Variants in PALD1 observed in about 807,000 individuals in gnomAD.
PALD1 encodes the protein paladin.
Under a neutral mutation model 96.0 loss-of-function variants are expected in PALD1, and 57 were observed. That is an observed-to-expected ratio of 0.59 (90% CI 0.48 to 0.74). The LOEUF (loss-of-function observed/expected upper bound fraction) is 0.74. PALD1 is among the 30% of genes least tolerant of loss of function. PALD1 has a pLI of 0.00. For missense variants in PALD1, 1,063 were observed against 1,143.7 expected, an observed-to-expected ratio of 0.93 and a Z score of 1.02; for synonymous variants, 464 against 473.6, an observed-to-expected ratio of 0.98 and a Z score of 0.26.
rs1318211660 is a variant in PALD1 at position 70,529,991 on chromosome 10, A to G, written c.391A>G (p.Thr131Ala). The G allele has an allele frequency of 1.2e-6, 2 of 1,608,416 alleles. No individual in the cohort carries two copies. The highest frequency in any genetic ancestry group is 2.7e-5 in the African/African-American group (2 of 74,610). ...CTTCCGGCAGGTGCAGGGTGGGCTC[A>G]CTGTGTTCGGCATGGGACAGCCCAG... Reference protein sequence around the residue: ...PNFRQVQGGLTVFGMGQPSLS... With the variant: ...PNFRQVQGGLAVFGMGQPSLS... Residue 131 changes from threonine (T) to alanine (A), a missense_variant, in exon 4 of 20, where the codon ACT (threonine) becomes GCT (alanine). Thr to Ala is a moderately conservative substitution (Grantham distance 58). Transcript: ENST00000263563.
intron 18 of PALD1, among the ~76,000 whole-genome samples, chr10:70,558,099 C>T (rs1847651167): frequency 6.6e-6 from 1 of 152,002 alleles, no homozygotes; most frequent in Non-Finnish European, 1.5e-5. Flanking sequence ...TGTGCCACCA[C>T]ACCTGCCTCT....
chr10:70,507,764 T>C (rs199727436), intron 1 of PALD1, among the ~76,000 whole-genome samples: 6,938 of 99,742 alleles, frequency 0.07, 376 homozygotes, highest in East Asian at 0.35. Flanking sequence ...TGTGTGTGTG[T>C]GTGTGTGTGT....
intron 9 of PALD1, 37 bp downstream of exon 9, chr10:70,534,561 G>A (rs1229526810): frequency 1.4e-6 from 2 of 1,478,862 alleles, no homozygotes; most frequent in South Asian, 1.2e-5. Flanking sequence ...GGCAGGGGTG[G>A]TGGAGGGGAC....
rs896379167 is a variant in PALD1, at chr10:70,562,869, C to G, written c.2263-1495C>G. Among the ~76,000 whole-genome samples the G allele has an allele frequency of 2.6e-5, 4 of 152,050 alleles. No individual in the cohort carries two copies. In the East Asian group the frequency reaches 7.7e-4, roughly 29 times the overall value. ...CATGTCCTGGGCCTTATCCCCTGGCCTGTGGCCTGTCCCCTGACTCCCCAA... is the reference window on the plus strand; with the variant it reads ...CATGTCCTGGGCCTTATCCCCTGGCGTGTGGCCTGTCCCCTGACTCCCCAA... On this transcript the variant is annotated intron_variant, in intron 18 of 19. Coordinates refer to ENST00000263563, the MANE Select transcript of PALD1 (RefSeq NM_014431.3).
intron 18 of PALD1, among the ~76,000 whole-genome samples, chr10:70,561,183 C>G (rs1391776530): frequency 6.6e-6 from 1 of 152,240 alleles, no homozygotes; most frequent in African/African-American, 2.4e-5. Context: ...GTGTCTCTTG[C>G]AACAGGCAGC....
intron 10 of PALD1, among the ~76,000 whole-genome samples, chr10:70,535,158 A>G (rs1847083372): frequency 6.6e-6 from 1 of 152,204 alleles, no homozygotes; most frequent in Non-Finnish European, 1.5e-5. Flanking sequence ...GCCTCCCACT[A>G]GTAAAACTCC....
At chr10:70,459,688 A>G in the PALD1 span, among the ~76,000 whole-genome samples, 2 of 152,126 alleles carry the variant, frequency 1.3e-5, no homozygotes, top group East Asian at 3.9e-4. Context: ...CTTCTCTGGG[A>G]CTCAGCTGTC....
At chr10:70,554,909 C>T in intron 18 of PALD1, among the ~76,000 whole-genome samples, 1 of 62,090 alleles carries the variant, frequency 1.6e-5, no homozygotes, top group Non-Finnish European at 3.3e-5. Context: ...AGCCTCCCCT[C>T]CCCTCTCCTC....
intron 3 of PALD1, 115 bp downstream of exon 3, chr10:70,529,446 T>C: frequency 1.6e-6 from 1 of 626,204 alleles, no homozygotes; most frequent in Non-Finnish European, 2.9e-6. Context: ...TCTCTGCCCA[T>C]TTTCAGAACG....
intron 17 of PALD1, among the ~76,000 whole-genome samples, chr10:70,542,117 C>G (rs984815134): frequency 6.6e-6 from 1 of 152,008 alleles, no homozygotes; most frequent in Non-Finnish European, 1.5e-5. Flanking sequence ...TGGTTAACTT[C>G]GCCACTTGCC....
intron 1 of PALD1, among the ~76,000 whole-genome samples, chr10:70,501,834 T>TGTGTGTGTGTGTGTGTGCGC (rs774868338): frequency 0.086 from 12,773 of 149,108 alleles, 732 homozygotes; most frequent in Non-Finnish European, 0.12. Flanking sequence ...TGTGTGTGTG[T>TGTGTGTGTGTGTGTGTGCGC]GCGTGCGTGC....
At chr10:70,523,294 G>T (rs990908650) in intron 1 of PALD1, among the ~76,000 whole-genome samples, 5 of 152,230 alleles carry the variant, frequency 3.3e-5, no homozygotes, top group African/African-American at 1.2e-4. Context: ...GTGGGGACGG[G>T]CCCTGATGCC....
chr10:70,510,672 G>C (rs1171482725), intron 1 of PALD1, among the ~76,000 whole-genome samples: 1 of 152,142 alleles, frequency 6.6e-6, no homozygotes, highest in Non-Finnish European at 1.5e-5. Context: ...ACACCTTCTC[G>C]CTTCCCAGGG....
In PALD1 at chr10:70,534,742, G is replaced by A; in HGVS notation, c.1126G>A (p.Asp376Asn). The part of the protein sequence containing the change: ...PQGRRMVEEV[D>N]RAITACAELH... ...TTGCCTTGGTCTCTGGCACCAGGTG[G>A]ACAGAGCCATCACTGCCTGTGCCGA... The change falls in exon 10 of 20, where the codon GAC becomes AAC. Residue 376 changes from aspartate to asparagine, a missense_variant. By Grantham distance (23) the Asp-to-Asn change is conservative. Coordinates refer to ENST00000263563, the MANE Select transcript of PALD1 (RefSeq NM_014431.3). 6.2e-7 allele frequency: 1 copy of A among 1,606,732 alleles called. No individual in the cohort carries two copies. The highest frequency in any genetic ancestry group is 8.5e-7 in the Non-Finnish European group (1 of 1,175,608).
At chr10:70,526,902 T>C (rs1846880791) in intron 2 of PALD1, among the ~76,000 whole-genome samples, 1 of 152,072 alleles carries the variant, frequency 6.6e-6, no homozygotes, top group African/African-American at 2.4e-5. Context: ...GTTCCGCACA[T>C]CAAAGTTTGG....
At chr10:70,549,957 C>T (rs1008972888) in intron 18 of PALD1, among the ~76,000 whole-genome samples, 8 of 152,242 alleles carry the variant, frequency 5.3e-5, no homozygotes, top group Non-Finnish European at 1.2e-4. Flanking sequence ...GTCGTGACCT[C>T]TGCAGTGGGA....
intron 4 of PALD1, among the ~76,000 whole-genome samples, chr10:70,530,621 G>GT (rs1846972494): frequency 6.6e-6 from 1 of 152,136 alleles, no homozygotes; most frequent in African/African-American, 2.4e-5. Flanking sequence ...GGTTTTGCGT[G>GT]TCCCTAGGAC....
intron 12 of PALD1, 127 bp downstream of exon 12, chr10:70,538,535 T>C: frequency 2.0e-6 from 2 of 1,000,518 alleles, no homozygotes; most frequent in Non-Finnish European, 2.9e-6. Flanking sequence ...AGGCTGTGGG[T>C]GTTGGGATCC....
At chr10:70,532,324 C>T (rs1042766059) in intron 5 of PALD1, among the ~76,000 whole-genome samples, 2 of 152,228 alleles carry the variant, frequency 1.3e-5, no homozygotes, top group East Asian at 1.9e-4. Context: ...TGCTCTGCTC[C>T]CCTCGGCTCC....
Sources: gnomAD v4.1 joint callset for allele counts (sites outside exome capture counted in the v4.1 genomes callset) on GRCh38, gnomAD v4.1.1 for gene constraint, MANE v1.5 for transcripts, NCBI Gene and HGNC (gene_info 2026-07-23, HGNC 2026-07-21) for gene names.